The following TESC variants were observed in gnomAD, a reference collection of about 807,000 sequenced individuals.
TESC encodes tescalcin.
TESC carries 19 observed loss-of-function variants against 31.0 expected under a neutral mutation model. The observed-to-expected ratio is 0.61, with a 90% confidence interval of 0.43 to 0.90. The LOEUF (loss-of-function observed/expected upper bound fraction) is 0.90. Ranked by LOEUF, TESC falls within the 40% of genes least tolerant of loss-of-function variation. The pLI is 0.00. For synonymous variants in TESC, 109 were observed against 114.8 expected (o/e 0.95, Z 0.32); for missense variants, 248 against 303.8 (o/e 0.82, Z 1.36).
intron 3 of TESC, among the ~76,000 whole-genome samples, chr12:117,053,254 C>T (rs1434323795): frequency 6.6e-6 from 1 of 152,226 alleles, no homozygotes; most frequent in Non-Finnish European, 1.5e-5. Context: ...CTACTGCCTC[C>T]GTCTGCCTGT....
At chr12:117,060,232 T>C (rs570077024) in intron 2 of TESC, among the ~76,000 whole-genome samples, 1 of 152,110 alleles carries the variant, frequency 6.6e-6, no homozygotes, top group Non-Finnish European at 1.5e-5. Context: ...GCACTATGAC[T>C]CCATTTATGT....
intron 1 of TESC, among the ~76,000 whole-genome samples, chr12:117,091,727 T>A (rs1955312523): frequency 6.6e-6 from 1 of 152,198 alleles, no homozygotes; most frequent in South Asian, 2.1e-4. Flanking sequence ...CTACTGAGCT[T>A]GTTCTCCCTG....
chr12:117,046,079 C>CCCCA (rs1218989693), intron 6 of TESC, among the ~76,000 whole-genome samples: 2 of 152,144 alleles, frequency 1.3e-5, no homozygotes, highest in African/African-American at 2.4e-5. Context: ...ACACACCAGC[C>CCCCA]CCCACCTCGG....
intron 1 of TESC, among the ~76,000 whole-genome samples, chr12:117,093,423 CTTTT>C (rs901249234): frequency 3.9e-5 from 6 of 152,100 alleles, no homozygotes; most frequent in Non-Finnish European, 7.3e-5. Flanking sequence ...ATCCGACTCT[CTTTT>C]TTTCTTTGGA....
intron 3 of TESC, among the ~76,000 whole-genome samples, chr12:117,050,290 G>A (rs749163374): frequency 1.1e-4 from 16 of 152,200 alleles, no homozygotes; most frequent in Admixed American, 3.9e-4. Flanking sequence ...CAGAGACTGC[G>A]TGGCCCGCAA....
chr12:117,098,003 A>G (rs1955418239), intron 1 of TESC, among the ~76,000 whole-genome samples: 1 of 152,178 alleles, frequency 6.6e-6, no homozygotes, highest in African/African-American at 2.4e-5. Context: ...ACAGATATAG[A>G]CGTATAAGTG....
chr12:117,058,743 C>CT (rs1289748343), intron 2 of TESC, among the ~76,000 whole-genome samples: 81 of 91,164 alleles, frequency 8.9e-4, no homozygotes, highest in African/African-American at 7.2e-3. Flanking sequence ...ACTCCAATCT[C>CT]TTAAAAAAAA....
intron 1 of TESC, among the ~76,000 whole-genome samples, chr12:117,088,150 G>A (rs897497040): frequency 9.9e-5 from 15 of 152,070 alleles, no homozygotes; most frequent in Admixed American, 5.9e-4. Flanking sequence ...AAACTGAGGA[G>A]GGATGGAACA....
chr12:117,049,280 CG>C lies in TESC; in HGVS notation c.210-123del, dbSNP rs1432336929. 10 of 1,387,058 alleles carry C rather than the reference CG, an allele frequency of 7.2e-6. No homozygotes were observed. The Admixed American group carries it at 2.0e-4, about 28-fold the overall frequency. 85.9% of individuals were successfully genotyped at this position (1,387,058 alleles called of 1,614,324 possible). A position where few individuals can be genotyped will look rare whatever the true frequency, so the allele number is the denominator to read the frequency against. ...ACACTGGACCCACGATGGCTGCTCT[CG>C]CCTTGCGTCTGTGCCCCAAGAACCT... On this transcript the variant is annotated intron_variant, in intron 3 of 7. Coordinates refer to ENST00000335209, the MANE Select transcript of TESC (RefSeq NM_017899.4).
chr12:117,095,570 T>C (rs993015761), intron 1 of TESC, among the ~76,000 whole-genome samples: 8 of 152,292 alleles, frequency 5.3e-5, no homozygotes, highest in African/African-American at 1.7e-4. Context: ...AGTGAAAGCA[T>C]GCTGGCAGTA....
At chr12:117,089,584 G>A (rs1156408084) in intron 1 of TESC, among the ~76,000 whole-genome samples, 1 of 152,250 alleles carries the variant, frequency 6.6e-6, no homozygotes, top group African/African-American at 2.4e-5. Flanking sequence ...AAACTATATA[G>A]CACTTATAAA....
At chr12:117,095,083 T>C (rs1002931752) in intron 1 of TESC, among the ~76,000 whole-genome samples, 1 of 151,952 alleles carries the variant, frequency 6.6e-6, no homozygotes, top group Non-Finnish European at 1.5e-5. Context: ...TTTCTTGTTT[T>C]TGTTTTTTGT....
chr12:117,083,416 C>T (rs528732687), intron 1 of TESC, among the ~76,000 whole-genome samples: 10 of 152,108 alleles, frequency 6.6e-5, no homozygotes, highest in Non-Finnish European at 1.2e-4. Flanking sequence ...AGAAAATGTT[C>T]GTCCACACCA....
At chr12:117,080,115 G>T (rs900574543) in intron 1 of TESC, among the ~76,000 whole-genome samples, 13 of 152,092 alleles carry the variant, frequency 8.5e-5, no homozygotes, top group Non-Finnish European at 1.3e-4. Flanking sequence ...CTAGGAAGAG[G>T]TATATAAATC....
intron 1 of TESC, among the ~76,000 whole-genome samples, chr12:117,086,259 T>C (rs1955218116): frequency 6.7e-6 from 1 of 150,076 alleles, no homozygotes; most frequent in Non-Finnish European, 1.5e-5. Context: ...CAATGAATTA[T>C]ACACTTTAAT....
chr12:117,053,691 G>A (rs779385867), intron 3 of TESC, among the ~76,000 whole-genome samples: 59 of 152,198 alleles, frequency 3.9e-4, no homozygotes, highest in Admixed American at 1.5e-3. Context: ...CAAGCCTCGT[G>A]CCTACACACA....
chr12:117,073,578 G>A (rs1955007204), intron 2 of TESC, among the ~76,000 whole-genome samples: 1 of 152,120 alleles, frequency 6.6e-6, no homozygotes. Flanking sequence ...TAAAACCTAG[G>A]GGAAATTTAA....
intron 1 of TESC, 21 bp downstream of exon 1, chr12:117,099,204 C>A: frequency 6.8e-7 from 1 of 1,480,428 alleles, no homozygotes; most frequent in Non-Finnish European, 8.9e-7. Flanking sequence ...GGTCCCCGCG[C>A]CGCCCCCCGC....
At position 117,094,910 on chromosome 12, in the gene TESC, C is replaced by T. The variant is rs375014889; in HGVS notation, c.58+4315G>A. Among the ~76,000 whole-genome samples the T allele has an allele frequency of 7.3e-5, 11 of 150,106 alleles. No individual in the cohort carries two copies. In the East Asian group the frequency reaches 1.2e-3, roughly 17 times the overall value. On this transcript the variant is annotated intron_variant, in intron 1 of 7. Transcript: ENST00000335209. ...GGGCACCTGTAATCCCAGCTACTCACGAGGCTGAGGCAGGAGAATTGCTTG... is the reference window on the plus strand; with the variant it reads ...GGGCACCTGTAATCCCAGCTACTCATGAGGCTGAGGCAGGAGAATTGCTTG...
Sources: allele counts gnomAD v4.1 joint callset (sites outside exome capture counted in the v4.1 genomes callset), GRCh38; gene constraint gnomAD v4.1.1; transcripts MANE v1.5; gene names NCBI Gene and HGNC (gene_info 2026-07-23, HGNC 2026-07-21).